DHRS12: variants seen among roughly 807,000 people sequenced by gnomAD.
The protein encoded by DHRS12 is dehydrogenase/reductase SDR family member 12.
In DHRS12, 29 loss-of-function variants were observed where a neutral mutation model predicts 32.1. The ratio of observed to expected loss-of-function variants is 0.90; its 90% confidence interval spans 0.67 to 1.23. The LOEUF is 1.23. DHRS12 is among the 50% of genes most tolerant of loss of function. The probability of loss-of-function intolerance (pLI) is 0.00; values close to 1 mark genes in which losing one functional copy is unlikely to be tolerated. For synonymous variants in DHRS12, 150 were observed against 135.9 expected, an observed-to-expected ratio of 1.10 and a Z score of -0.72; for missense variants, 330 against 337.2, an observed-to-expected ratio of 0.98 and a Z score of 0.17.
intron 2 of DHRS12, 39 bp from the exon 3 acceptor site, chr13:51,791,296 A>G: frequency 8.1e-7 from 1 of 1,240,618 alleles, no homozygotes; most frequent in Non-Finnish European, 1.1e-6. Context: ...CCCTTTTTAA[A>G]AAGATATAAA....
rs981697112 is a variant in DHRS12 at position 51,797,634 on chromosome 13, C to T, written c.126+1900G>A. Among the ~76,000 whole-genome samples, 5 of 152,258 alleles carry T rather than the reference C, an allele frequency of 3.3e-5. No individual in the cohort carries two copies. The South Asian group carries it at 1.0e-3, about 32-fold the overall frequency. ...GGACCATGCGGTCAAGCCTCAGTGC[C>T]CCCACTTATCCCCTTGTCAAACCTA... On this transcript the variant is annotated intron_variant, in intron 2 of 8. Transcript: ENST00000444610.
At chr13:51,776,584 G>C (rs1954416553) in intron 5 of DHRS12, 1 of 174,690 alleles carries the variant, frequency 5.7e-6, no homozygotes, top group Non-Finnish European at 1.2e-5. Flanking sequence ...TTCGGGTCGG[G>C]GGTGGCACAG....
chr13:51,756,953 GACATAGGTTACTT>G, the DHRS12 span, among the ~76,000 whole-genome samples: 1 of 152,168 alleles, frequency 6.6e-6, no homozygotes, highest in African/African-American at 2.4e-5. Flanking sequence ...AGTAACCCAG[GACATAGGTTACTT>G]ACCCCTTGGT....
intron 4 of DHRS12, among the ~76,000 whole-genome samples, chr13:51,781,327 C>T (rs944760333): frequency 9.9e-5 from 15 of 152,076 alleles, no homozygotes; most frequent in African/African-American, 3.6e-4. Flanking sequence ...CCCTTTGCCC[C>T]CAACCTCAAC....
the DHRS12 span, chr13:51,759,986 A>AT: frequency 2.2e-5 from 11 of 496,650 alleles, no homozygotes; most frequent in Middle Eastern, 5.2e-4. Flanking sequence ...AAAAGAAGCT[A>AT]TTTTTTTAAC....
downstream of DHRS12, chr13:51,764,071 C>G (rs934468218): frequency 1.1e-4 from 16 of 152,044 alleles, no homozygotes; most frequent in African/African-American, 3.9e-4. Context: ...TTTCCTGGTA[C>G]GAAGACAGAT....
At chr13:51,766,373 A>G (rs1199311766), downstream of DHRS12, 1 of 152,242 alleles carries the variant, frequency 6.6e-6, no homozygotes, top group Non-Finnish European at 1.5e-5. Context: ...ACCGGACTGC[A>G]GCCCAAGTCT....
At chr13:51,798,482 A>G (rs1955607851) in intron 2 of DHRS12, among the ~76,000 whole-genome samples, 1 of 152,238 alleles carries the variant, frequency 6.6e-6, no homozygotes, top group Non-Finnish European at 1.5e-5. Context: ...CGTGGCAGCT[A>G]AGAACGAATC....
At chr13:51,785,475 G>A (rs1954913138) in intron 4 of DHRS12, among the ~76,000 whole-genome samples, 1 of 152,112 alleles carries the variant, frequency 6.6e-6, no homozygotes, top group African/African-American at 2.4e-5. Context: ...TGATTAATTG[G>A]ATATCTGCTG....
intron 2 of DHRS12, among the ~76,000 whole-genome samples, chr13:51,798,381 T>C (rs1955602326): frequency 6.6e-6 from 1 of 152,240 alleles, no homozygotes; most frequent in African/African-American, 2.4e-5. Flanking sequence ...AAGTATTGAC[T>C]GAATGTTGAG....
chr13:51,781,320 T>C (rs1458223785), intron 4 of DHRS12, among the ~76,000 whole-genome samples: 2 of 152,222 alleles, frequency 1.3e-5, no homozygotes, highest in Middle Eastern at 3.4e-3. Flanking sequence ...GCCTATCCCC[T>C]TTGCCCCCAA....
chr13:51,758,059 A>T, the DHRS12 span: 2 of 466,486 alleles, frequency 4.3e-6, no homozygotes, highest in Non-Finnish European at 8.0e-6. Flanking sequence ...ATAAAGGCAG[A>T]TCTGAGGAGC....
rs1432647248 is a variant in DHRS12 at position 51,775,862 on chromosome 13, TCTC to T, written c.363+1195_363+1197del. The T allele has an allele frequency of 1.7e-4, 15 of 85,914 alleles. 2 individuals carry two copies. Among genetic ancestry groups the T allele is most frequent in the Admixed American group, 6.3e-4 (5 of 7,910 alleles). The allele number at this position is 85,914 out of a possible 1,614,324, so 5.3% of individuals were successfully genotyped here. On this transcript the variant is annotated intron_variant, in intron 5 of 8. Transcript: ENST00000444610. ...CTCCTACAGTATTCTCCTACAGTAT[TCTC>T]CTACAGTATTCTCCTACATGTATTC... is the stretch of plus-strand genomic sequence containing the variant.
At chr13:51,797,502 G>A (rs922342362) in intron 2 of DHRS12, among the ~76,000 whole-genome samples, 4 of 152,202 alleles carry the variant, frequency 2.6e-5, no homozygotes, top group African/African-American at 9.6e-5. Context: ...GACCCTTGCT[G>A]TGTGTTGCTG....
chr13:51,800,075 T>C (rs1406886470), intron 1 of DHRS12, among the ~76,000 whole-genome samples: 1 of 152,160 alleles, frequency 6.6e-6, no homozygotes, highest in Non-Finnish European at 1.5e-5. Context: ...TATCCTTGCC[T>C]ACTTGGAGAA....
chr13:51,800,552 G>A (rs1005425648), intron 1 of DHRS12, among the ~76,000 whole-genome samples: 4 of 152,336 alleles, frequency 2.6e-5, no homozygotes, highest in African/African-American at 9.6e-5. Context: ...GGAGCCGAGA[G>A]ATTTCTCCTG....
At chr13:51,801,361 A>AT (rs1295470757) in intron 1 of DHRS12, among the ~76,000 whole-genome samples, 3 of 152,046 alleles carry the variant, frequency 2.0e-5, no homozygotes, top group Non-Finnish European at 4.4e-5. Flanking sequence ...TAATTTTTGT[A>AT]TTTTTTAGTA....
At chr13:51,771,984 C>T (rs919785142) in intron 6 of DHRS12, 73 bp from the exon 7 acceptor site, 99 of 1,440,916 alleles carry the variant, frequency 6.9e-5, no homozygotes, top group Middle Eastern at 3.7e-4. Context: ...GGGATAAGCC[C>T]TGCCCAGCCT....
the DHRS12 span, among the ~76,000 whole-genome samples, chr13:51,757,438 A>G: frequency 6.7e-6 from 1 of 149,532 alleles, no homozygotes; most frequent in African/African-American, 2.5e-5. Context: ...TATCCTGCAG[A>G]TTTAGCTATA....
Sources: allele counts gnomAD v4.1 joint callset (sites outside exome capture counted in the v4.1 genomes callset), GRCh38; gene constraint gnomAD v4.1.1; transcripts MANE v1.5; gene names NCBI Gene and HGNC (gene_info 2026-07-23, HGNC 2026-07-21).